EXOC6B: variants seen among roughly 807,000 people sequenced by gnomAD.
The protein encoded by EXOC6B is exocyst complex component 6B.
In EXOC6B, 54 loss-of-function variants were observed where a neutral mutation model predicts 113.5. That is an observed-to-expected ratio of 0.48 (90% CI 0.38 to 0.60). The LOEUF (loss-of-function observed/expected upper bound fraction) is 0.60. Among genes scored for constraint, EXOC6B ranks in the 20% least tolerant of loss-of-function variants. The pLI is 0.00. For missense variants in EXOC6B, 797 were observed against 977.5 expected, an observed-to-expected ratio of 0.82 and a Z score of 2.46; for synonymous variants, 357 against 339.0, an observed-to-expected ratio of 1.05 and a Z score of -0.58.
intron 18 of EXOC6B, among the ~76,000 whole-genome samples, chr2:72,459,736 C>T (rs1434905376): frequency 6.6e-6 from 1 of 152,140 alleles, no homozygotes; most frequent in African/African-American, 2.4e-5. Context: ...ACATTCCATG[C>T]TCATGGGTGG....
At chr2:72,208,738 C>T (rs368639967) in intron 20 of EXOC6B, among the ~76,000 whole-genome samples, 1 of 152,134 alleles carries the variant, frequency 6.6e-6, no homozygotes, top group Non-Finnish European at 1.5e-5. Context: ...CTCAAAAACA[C>T]CAGTTCCAAA....
At chr2:72,484,958 T>C (rs1428202135) in intron 16 of EXOC6B, among the ~76,000 whole-genome samples, 3 of 152,194 alleles carry the variant, frequency 2.0e-5, no homozygotes, top group Non-Finnish European at 4.4e-5. Context: ...AGTAGAATGA[T>C]TTAAATTCCT....
intron 20 of EXOC6B, among the ~76,000 whole-genome samples, chr2:72,198,792 T>G (rs1384374238): frequency 1.3e-5 from 2 of 152,198 alleles, no homozygotes; most frequent in Non-Finnish European, 2.9e-5. Flanking sequence ...TGTCTTTTGC[T>G]TAAGCTATGC....
chr2:72,525,452 A>G (rs1701706659), intron 8 of EXOC6B, among the ~76,000 whole-genome samples: 1 of 152,168 alleles, frequency 6.6e-6, no homozygotes. Flanking sequence ...TACTTAGCAA[A>G]CCAAACTGCT....
chr2:72,360,054 A>G (rs756418719), intron 19 of EXOC6B, among the ~76,000 whole-genome samples: 6 of 152,122 alleles, frequency 3.9e-5, no homozygotes, highest in Non-Finnish European at 8.8e-5. Flanking sequence ...CATGAGCCAA[A>G]TAAACCTCTT....
At chr2:72,353,289 T>C (rs1359220845) in intron 19 of EXOC6B, among the ~76,000 whole-genome samples, 1 of 149,088 alleles carries the variant, frequency 6.7e-6, no homozygotes, top group Non-Finnish European at 1.5e-5. Context: ...CTGAAAATGC[T>C]TCTATGTGTT....
At chr2:72,529,411 T>G (rs1259031089) in intron 8 of EXOC6B, among the ~76,000 whole-genome samples, 1 of 152,218 alleles carries the variant, frequency 6.6e-6, no homozygotes, top group African/African-American at 2.4e-5. Context: ...ACAAGGAATA[T>G]TAATCTGTAG....
chr2:72,353,108 A>C (rs773342148), intron 19 of EXOC6B, among the ~76,000 whole-genome samples: 3 of 152,178 alleles, frequency 2.0e-5, no homozygotes, highest in Non-Finnish European at 4.4e-5. Context: ...GCTTGAAGGA[A>C]GGAGGGGCAC....
At chr2:72,520,159 T>G (rs1020244464) in intron 8 of EXOC6B, among the ~76,000 whole-genome samples, 7 of 152,218 alleles carry the variant, frequency 4.6e-5, no homozygotes, top group African/African-American at 1.7e-4. Flanking sequence ...CAGTTTATCT[T>G]GTTTATTGTT....
intron 1 of EXOC6B, among the ~76,000 whole-genome samples, chr2:72,792,862 T>C (rs1684750387): frequency 6.6e-6 from 1 of 152,174 alleles, no homozygotes; most frequent in Non-Finnish European, 1.5e-5. Context: ...TCCTTTATAT[T>C]TCACTATATA....
chr2:72,482,920 A>G (rs1699192072), intron 16 of EXOC6B, among the ~76,000 whole-genome samples: 1 of 152,226 alleles, frequency 6.6e-6, no homozygotes, highest in African/African-American at 2.4e-5. Flanking sequence ...TCTTAGATGA[A>G]AAGTTAGGGC....
At chr2:72,551,232 C>G (rs1232666562) in intron 8 of EXOC6B, among the ~76,000 whole-genome samples, 1 of 152,180 alleles carries the variant, frequency 6.6e-6, no homozygotes, top group Non-Finnish European at 1.5e-5. Context: ...GAGTCTCGCT[C>G]TGTCACCCAG....
At chr2:72,571,959 T>C (rs1704538920) in intron 7 of EXOC6B, among the ~76,000 whole-genome samples, 2 of 152,166 alleles carry the variant, frequency 1.3e-5, no homozygotes, top group African/African-American at 2.4e-5. Context: ...ATATTTGCAT[T>C]GAAAGCACAG....
chr2:72,306,620 C>G, intron 20 of EXOC6B, among the ~76,000 whole-genome samples: 1 of 152,142 alleles, frequency 6.6e-6, no homozygotes, highest in South Asian at 2.1e-4. Flanking sequence ...CTCTTTTACC[C>G]TCTTTAAGTA....
chr2:72,524,247 G>A (rs545256175), intron 8 of EXOC6B, among the ~76,000 whole-genome samples: 9 of 151,842 alleles, frequency 5.9e-5, no homozygotes, highest in African/African-American at 9.7e-5. Flanking sequence ...GATGTTCAGC[G>A]GGATATTACA....
intron 6 of EXOC6B, among the ~76,000 whole-genome samples, chr2:72,593,367 T>A (rs1023239353): frequency 2.0e-5 from 3 of 152,198 alleles, no homozygotes; most frequent in Non-Finnish European, 2.9e-5. Flanking sequence ...GGGACTTACT[T>A]CTTGGGATTG....
intron 11 of EXOC6B, among the ~76,000 whole-genome samples, chr2:72,508,163 C>CA (rs67586747): frequency 0.016 from 940 of 57,546 alleles, 67 homozygotes; most frequent in African/African-American, 0.11. Context: ...ATATTACCCG[C>CA]AAAAAAAAAA....
chr2:72,474,281 C>T (rs916725828), intron 17 of EXOC6B, among the ~76,000 whole-genome samples: 3 of 152,082 alleles, frequency 2.0e-5, no homozygotes, highest in Non-Finnish European at 4.4e-5. Context: ...GGGATCTCAG[C>T]ACATCCTGTA....
chr2:72,739,042 T>A (rs1301391536), intron 2 of EXOC6B, among the ~76,000 whole-genome samples: 5 of 152,244 alleles, frequency 3.3e-5, no homozygotes, highest in African/African-American at 4.8e-5. Flanking sequence ...TACATTTTAA[T>A]CAGCTTTATA....
Sources: allele counts gnomAD v4.1 joint callset (sites outside exome capture counted in the v4.1 genomes callset), GRCh38; gene constraint gnomAD v4.1.1; transcripts MANE v1.5; gene names NCBI Gene and HGNC (gene_info 2026-07-23, HGNC 2026-07-21).